Variants in TNNI3K observed in about 807,000 individuals in gnomAD.
The protein encoded by TNNI3K is TNNI3 interacting kinase.
In TNNI3K, 140 loss-of-function variants were observed where a neutral mutation model predicts 114.5. The ratio of observed to expected loss-of-function variants is 1.22; its 90% CI spans 1.07 to 1.41. The LOEUF (loss-of-function observed/expected upper bound fraction) is 1.41. Ranked by LOEUF, TNNI3K falls within the 40% of genes most tolerant of loss-of-function variation. The pLI is 0.00. For synonymous variants in TNNI3K, 347 were observed against 347.5 expected (o/e 1.00, Z 0.02); for missense variants, 1,125 against 1,007.6 (o/e 1.12, Z -1.58).
At chr1:74,538,145 A>G (rs950282622) in intron 23 of TNNI3K, among the ~76,000 whole-genome samples, 2 of 152,176 alleles carry the variant, frequency 1.3e-5, no homozygotes, top group Admixed American at 6.6e-5. Flanking sequence ...CCATAGTCAT[A>G]GAGAAAAGAA....
chr1:74,502,021 G>C (rs72675337), intron 23 of TNNI3K, among the ~76,000 whole-genome samples: 15 of 151,904 alleles, frequency 9.9e-5, no homozygotes, highest in Non-Finnish European at 2.1e-4. Flanking sequence ...GAAGATTTTG[G>C]CTTTATACAG....
chr1:74,296,530 C>G lies in TNNI3K; in HGVS notation c.444+24822C>G, dbSNP rs555834660. Among the ~76,000 whole-genome samples the G allele has an allele frequency of 2.6e-5, 4 of 151,936 alleles. No homozygotes were observed. The Middle Eastern group carries it at 0.01, about 388-fold the overall frequency. Reference sequence around the variant, plus strand: ...TAGCTATTTATTCCATTCTGTGTGTCTGTTATTCTCTCTGGAGTCATGTTG... The same window carrying G: ...TAGCTATTTATTCCATTCTGTGTGTGTGTTATTCTCTCTGGAGTCATGTTG... On this transcript the variant is annotated intron_variant, in intron 5 of 24. Transcript: ENST00000326637.
intron 21 of TNNI3K, among the ~76,000 whole-genome samples, chr1:74,477,951 C>G (rs1037065149): frequency 2.0e-4 from 30 of 152,262 alleles, no homozygotes; most frequent in African/African-American, 6.3e-4. Flanking sequence ...TTTTTATCTA[C>G]CAGTTCATAG....
At chr1:74,477,962 TGTAA>T (rs1011973558) in intron 21 of TNNI3K, among the ~76,000 whole-genome samples, 15 of 152,200 alleles carry the variant, frequency 9.9e-5, no homozygotes, top group African/African-American at 2.7e-4. Flanking sequence ...CAGTTCATAG[TGTAA>T]GTGTCAAGAT....
intron 20 of TNNI3K, among the ~76,000 whole-genome samples, chr1:74,457,331 T>A (rs1158078623): frequency 6.6e-6 from 1 of 152,184 alleles, no homozygotes; most frequent in Non-Finnish European, 1.5e-5. Context: ...AACAAATTAA[T>A]CTATTCTTCT....
At chr1:74,237,843 T>C (rs1427724878) in intron 2 of TNNI3K, among the ~76,000 whole-genome samples, 1 of 152,054 alleles carries the variant, frequency 6.6e-6, no homozygotes, top group Non-Finnish European at 1.5e-5. Context: ...TTATTTAATC[T>C]ATAGTCATAT....
At chr1:74,515,984 G>A (rs2100395971) in intron 23 of TNNI3K, among the ~76,000 whole-genome samples, 1 of 152,326 alleles carries the variant, frequency 6.6e-6, no homozygotes, top group South Asian at 2.1e-4. Context: ...TGCAGAAAAT[G>A]TAAATGGAGA....
chr1:74,352,379 C>A (rs547391588), intron 9 of TNNI3K, among the ~76,000 whole-genome samples: 1 of 152,238 alleles, frequency 6.6e-6, no homozygotes, highest in South Asian at 2.1e-4. Flanking sequence ...TCTGCCCCTA[C>A]TGGGGGATGC....
intron 17 of TNNI3K, chr1:74,416,693 C>A: frequency 2.1e-6 from 1 of 482,478 alleles, no homozygotes; most frequent in Non-Finnish European, 2.7e-6. Context: ...CATTAAATAT[C>A]TTCTTTTTCA....
intron 17 of TNNI3K, chr1:74,418,238 A>T: frequency 2.2e-6 from 1 of 448,676 alleles, no homozygotes; most frequent in South Asian, 1.6e-5. Context: ...AGTGCATCAG[A>T]AAGAGCAGAG....
At chr1:74,328,169 T>G (rs1395256299) in intron 5 of TNNI3K, among the ~76,000 whole-genome samples, 2 of 152,156 alleles carry the variant, frequency 1.3e-5, no homozygotes, top group African/African-American at 4.8e-5. Context: ...AAATTTGTAC[T>G]TTAACTGTAC....
At chr1:74,332,431 G>A (rs898534138) in intron 6 of TNNI3K, among the ~76,000 whole-genome samples, 26 of 151,856 alleles carry the variant, frequency 1.7e-4, no homozygotes, top group African/African-American at 5.1e-4. Flanking sequence ...CTCCCAAGTA[G>A]CTGAGACTAC....
chr1:74,504,415 G>A (rs1215538609), intron 23 of TNNI3K, among the ~76,000 whole-genome samples: 1 of 152,188 alleles, frequency 6.6e-6, no homozygotes, highest in South Asian at 2.1e-4. Flanking sequence ...ACTTCACGCC[G>A]AACAAAGGTG....
intron 2 of TNNI3K, among the ~76,000 whole-genome samples, chr1:74,245,785 T>C (rs1019685466): frequency 6.6e-6 from 1 of 152,192 alleles, no homozygotes; most frequent in Non-Finnish European, 1.5e-5. Context: ...TAATTAGAAA[T>C]GGCAAGCCTT....
intron 17 of TNNI3K, among the ~76,000 whole-genome samples, chr1:74,395,843 TC>T (rs1426316507): frequency 1.3e-5 from 2 of 151,996 alleles, no homozygotes; most frequent in Non-Finnish European, 2.9e-5. Context: ...CCTCTGAAAT[TC>T]CCCCAGAGGG....
At chr1:74,297,311 C>A (rs977286037) in intron 5 of TNNI3K, among the ~76,000 whole-genome samples, 1 of 152,056 alleles carries the variant, frequency 6.6e-6, no homozygotes, top group Admixed American at 6.6e-5. Context: ...CCCTGATATT[C>A]GTATGTTGAA....
At chr1:74,417,773 AAAGG>A (rs1229036251) in intron 17 of TNNI3K, among the ~76,000 whole-genome samples, 2 of 151,756 alleles carry the variant, frequency 1.3e-5, no homozygotes, top group African/African-American at 2.4e-5. Flanking sequence ...GAAAAGAATA[AAAGG>A]AAGGAAGTAA....
chr1:74,256,283 C>CTTTTTTTTTTTTTTTTTT, intron 4 of TNNI3K, among the ~76,000 whole-genome samples: 1 of 42,780 alleles, frequency 2.3e-5, no homozygotes, highest in Non-Finnish European at 5.0e-5. Context: ...TGTGGTCAGT[C>CTTTTTTTTTTTTTTTTTT]TTTTTTTTTT....
intron 23 of TNNI3K, among the ~76,000 whole-genome samples, chr1:74,539,502 GGAAGGAA>G (rs1646700751): frequency 6.6e-6 from 1 of 152,104 alleles, no homozygotes; most frequent in Admixed American, 6.6e-5. Context: ...AGATGAACTG[GGAAGGAA>G]GTGACCCCAT....
Sources: gnomAD v4.1 joint callset for allele counts (sites outside exome capture counted in the v4.1 genomes callset) on GRCh38, gnomAD v4.1.1 for gene constraint, MANE v1.5 for transcripts, NCBI Gene and HGNC (gene_info 2026-07-23, HGNC 2026-07-21) for gene names.